Variants in CDC45 observed in about 807,000 individuals in gnomAD.
CDC45 encodes cell division cycle 45.
A neutral mutation model predicts 77.8 loss-of-function variants in CDC45; 54 were observed. The observed-to-expected ratio is 0.69, with a 90% confidence interval of 0.56 to 0.87. CDC45 has a LOEUF of 0.87. Ranked by LOEUF, CDC45 falls within the 40% of genes least tolerant of loss-of-function variation. CDC45 has a pLI of 0.00. For missense variants in CDC45, 649 were observed against 721.6 expected (o/e 0.90, Z 1.15); for synonymous variants, 260 against 272.1 (o/e 0.96, Z 0.44).
chr22:19,486,511 A>G (rs867044645), intron 5 of CDC45, among the ~76,000 whole-genome samples: 2 of 151,810 alleles, frequency 1.3e-5, no homozygotes, highest in Admixed American at 6.6e-5. Context: ...ATTTACTACT[A>G]CTTGTTTCTT....
intron 5 of CDC45, among the ~76,000 whole-genome samples, chr22:19,486,447 C>T (rs554986275): frequency 6.6e-6 from 1 of 152,200 alleles, no homozygotes; most frequent in Admixed American, 6.5e-5. Flanking sequence ...CATACCTTAC[C>T]TCTTTTTTTT....
Position 19,507,058 on chromosome 22 carries a change from G to A in CDC45, c.825-328G>A, listed in dbSNP as rs1358895621. The stretch of plus-strand genomic sequence containing the variant: ...CTAGGTGGAGCAGGAGGTGCAGGAC[G>A]ACAAGCTGGTGACGCCCAGCCTCCT... On this transcript the variant is annotated intron_variant, in intron 10 of 18. Transcript: ENST00000263201. Among the ~76,000 whole-genome samples, 9 of 152,314 alleles carry A rather than the reference G, an allele frequency of 5.9e-5. No homozygotes were observed. In the East Asian group the frequency reaches 1.4e-3, roughly 23 times the overall value.
In CDC45 at chr22:19,505,513, G is replaced by A. The variant is rs771470509; in HGVS notation, c.824+32G>A. ...TTGTGGCCCAGCCTGAGGGGCACAGGCAGCACCCCTGCTCAGCAGGCCTTG... is the reference window on the plus strand; with the variant it reads ...TTGTGGCCCAGCCTGAGGGGCACAGACAGCACCCCTGCTCAGCAGGCCTTG... On this transcript the variant is annotated intron_variant, in intron 10 of 18. Coordinates refer to ENST00000263201, the MANE Select transcript of CDC45 (RefSeq NM_003504.5). 4 of 1,611,946 alleles carry A rather than the reference G, an allele frequency of 2.5e-6. No individual in the cohort carries two copies. The South Asian group carries it at 4.4e-5, about 18-fold the overall frequency.
At chr22:19,488,817 T>C (rs1376441049) in intron 5 of CDC45, among the ~76,000 whole-genome samples, 1 of 152,204 alleles carries the variant, frequency 6.6e-6, no homozygotes, top group African/African-American at 2.4e-5. Flanking sequence ...AGTTTTTCTT[T>C]TGAGATAATT....
chr22:19,517,176 AG>A (rs1198639538), intron 17 of CDC45, among the ~76,000 whole-genome samples: 1 of 152,240 alleles, frequency 6.6e-6, no homozygotes, highest in Non-Finnish European at 1.5e-5. Context: ...CAGCAAGCCT[AG>A]GGGACTGGCC....
intron 8 of CDC45, among the ~76,000 whole-genome samples, chr22:19,498,353 G>C (rs2090281169): frequency 6.6e-6 from 1 of 152,246 alleles, no homozygotes; most frequent in Non-Finnish European, 1.5e-5. Flanking sequence ...GCTCTTGCTA[G>C]GCATCCTTGC....
chr22:19,484,962 G>A (rs746279710), intron 5 of CDC45, among the ~76,000 whole-genome samples: 2 of 150,528 alleles, frequency 1.3e-5, no homozygotes, highest in Non-Finnish European at 3.0e-5. Flanking sequence ...TTCCCCAGAC[G>A]GGGTCTCTCT....
intron 2 of CDC45, among the ~76,000 whole-genome samples, chr22:19,480,452 G>C (rs1405135353): frequency 1.3e-5 from 2 of 152,160 alleles, no homozygotes; most frequent in African/African-American, 2.4e-5. Flanking sequence ...AGACTAGTTT[G>C]TATTTTTGCA....
chr22:19,510,781 C>G (rs1252863169), intron 13 of CDC45, among the ~76,000 whole-genome samples: 1 of 152,210 alleles, frequency 6.6e-6, no homozygotes, highest in Non-Finnish European at 1.5e-5. Flanking sequence ...CCTGCCTCGG[C>G]CTCCCAAAGT....
intron 18 of CDC45, among the ~76,000 whole-genome samples, 196 bp downstream of exon 18, chr22:19,519,105 T>C (rs1602003866): frequency 6.6e-6 from 1 of 152,206 alleles, no homozygotes; most frequent in East Asian, 1.9e-4. Flanking sequence ...ATGGGGCATT[T>C]TGAGGCAGCT....
At chr22:19,496,089 A>G in intron 7 of CDC45, 60 bp downstream of exon 7, 1 of 1,133,546 alleles carries the variant, frequency 8.8e-7, no homozygotes, top group Non-Finnish European at 1.3e-6. Context: ...AGTGTCCTCA[A>G]ATGTGAAGAA....
chr22:19,509,739 G>A (rs371371901), intron 13 of CDC45, among the ~76,000 whole-genome samples: 1 of 152,124 alleles, frequency 6.6e-6, no homozygotes, highest in South Asian at 2.1e-4. Flanking sequence ...CTTTTTAGGA[G>A]GAGGAGGCAT....
At chr22:19,487,756 C>CA in intron 5 of CDC45, among the ~76,000 whole-genome samples, 1 of 151,466 alleles carries the variant, frequency 6.6e-6, no homozygotes, top group East Asian at 2.0e-4. Flanking sequence ...ACTAAAAATA[C>CA]AAAAAATTTC....
At chr22:19,506,943 A>C (rs1933219280) in intron 10 of CDC45, among the ~76,000 whole-genome samples, 2 of 151,728 alleles carry the variant, frequency 1.3e-5, no homozygotes, top group South Asian at 2.1e-4. Flanking sequence ...CAAAAAAAAA[A>C]AACGAAAAAA....
chr22:19,487,410 C>T (rs895460886), intron 5 of CDC45, among the ~76,000 whole-genome samples: 9 of 151,236 alleles, frequency 6.0e-5, no homozygotes, highest in South Asian at 2.1e-4. Context: ...CACATAGGCC[C>T]GGCTACTTGG....
chr22:19,510,598 G>A (rs984560401), intron 13 of CDC45, among the ~76,000 whole-genome samples: 1 of 152,024 alleles, frequency 6.6e-6, no homozygotes, highest in African/African-American at 2.4e-5. Context: ...GCACGCTCTC[G>A]GCTCACTGCA....
intron 18 of CDC45, among the ~76,000 whole-genome samples, chr22:19,519,692 A>G (rs1157694339): frequency 6.6e-6 from 1 of 152,058 alleles, no homozygotes; most frequent in Non-Finnish European, 1.5e-5. Flanking sequence ...CCACTCTCCC[A>G]TCCGTCCGTC....
chr22:19,504,388 C>T (rs913201496), intron 9 of CDC45, among the ~76,000 whole-genome samples: 4 of 152,228 alleles, frequency 2.6e-5, no homozygotes, highest in Non-Finnish European at 5.9e-5. Flanking sequence ...CAACCTCCGC[C>T]TCCCAGATTC....
intron 10 of CDC45, among the ~76,000 whole-genome samples, chr22:19,506,769 C>T (rs916350204): frequency 3.9e-5 from 6 of 151,930 alleles, no homozygotes; most frequent in South Asian, 2.1e-4. Flanking sequence ...CTCGTTTCTA[C>T]GAAAAATACA....
Sources: gnomAD v4.1 joint callset for allele counts (sites outside exome capture counted in the v4.1 genomes callset) on GRCh38, gnomAD v4.1.1 for gene constraint, MANE v1.5 for transcripts, NCBI Gene and HGNC (gene_info 2026-07-23, HGNC 2026-07-21) for gene names.